The following RBFOX1 variants were observed in gnomAD, a reference collection of about 807,000 sequenced individuals.
RBFOX1 encodes the protein RNA binding protein fox-1 homolog 1.
RBFOX1 carries 8 observed loss-of-function variants against 57.7 expected under a neutral mutation model. That is an observed-to-expected ratio of 0.14 (90% confidence interval 0.08 to 0.25). RBFOX1 has a LOEUF of 0.25. Ranked by LOEUF, RBFOX1 falls within the 10% of genes least tolerant of loss-of-function variation. The probability of loss-of-function intolerance (pLI) is 1.00; values close to 1 mark genes in which losing one functional copy is unlikely to be tolerated. For synonymous variants in RBFOX1, 326 were observed against 222.4 expected, an observed-to-expected ratio of 1.47 and a Z score of -4.15; for missense variants, 611 against 548.5, an observed-to-expected ratio of 1.11 and a Z score of -1.14.
Position 6,997,449 on chromosome 16 carries a change from A to G in RBFOX1, c.-15-54608A>G, listed in dbSNP as rs894216511. Among the ~76,000 whole-genome samples, 11 of 152,186 alleles carry G rather than the reference A, an allele frequency of 7.2e-5. No individual in the cohort carries two copies. The South Asian group carries it at 2.1e-3, about 29-fold the overall frequency. On this transcript the variant is annotated intron_variant, in intron 3 of 15. Coordinates refer to ENST00000550418, the MANE Select transcript of RBFOX1 (RefSeq NM_018723.4). ...TCAGAGTTCATTTATATCCACGAGC[A>G]TTGCACCAGCAATAAACTTTAAGTT...
chr16:7,421,178 T>C (rs960571907), intron 4 of RBFOX1, among the ~76,000 whole-genome samples: 1 of 151,962 alleles, frequency 6.6e-6, no homozygotes, highest in Non-Finnish European at 1.5e-5. Flanking sequence ...ATAGAAATTG[T>C]AGAGCACAGT....
In RBFOX1 at chr16:6,337,499, G is replaced by A. The variant is rs190865441; in HGVS notation, c.-64+20442G>A. On this transcript the variant is annotated intron_variant, in intron 2 of 15. Transcript: ENST00000550418. ...CTGGGAGAGCCAAAATGGCAAAGGA[G>A]TGGAAATAAATTAATGGGGGGAAAT... Among the ~76,000 whole-genome samples, 4 of 152,304 alleles carry A rather than the reference G, an allele frequency of 2.6e-5. No homozygotes were observed. The East Asian group carries it at 7.7e-4, about 29-fold the overall frequency.
At chr16:7,192,559 A>T (rs2085678513) in intron 4 of RBFOX1, among the ~76,000 whole-genome samples, 1 of 152,222 alleles carries the variant, frequency 6.6e-6, no homozygotes, top group African/African-American at 2.4e-5. Context: ...AAATAACAGC[A>T]AAATACTATG....
Position 6,284,893 on chromosome 16 carries a change from GA to G in RBFOX1, c.-126-32099del, listed in dbSNP as rs1173832467. Among the ~76,000 whole-genome samples, 10 of 152,250 alleles carry G rather than the reference GA, an allele frequency of 6.6e-5. No homozygotes were observed. The East Asian group carries it at 1.9e-3, about 29-fold the overall frequency. On this transcript the variant is annotated intron_variant, in intron 1 of 15. Coordinates refer to ENST00000550418, the MANE Select transcript of RBFOX1 (RefSeq NM_018723.4). ...TAAAGGCTTATTAACTGCAGTTTGT[GA>G]AATGGAGTGAAAACAAATACGCTTC...
chr16:6,310,107 C>T (rs547300536), intron 1 of RBFOX1, among the ~76,000 whole-genome samples: 52 of 152,204 alleles, frequency 3.4e-4, no homozygotes, highest in East Asian at 9.7e-4. Flanking sequence ...AGGCTGGTCT[C>T]GAACTTCTGA....
intron 3 of RBFOX1, among the ~76,000 whole-genome samples, chr16:7,039,292 T>A (rs1022061350): frequency 6.6e-6 from 1 of 152,218 alleles, no homozygotes; most frequent in Non-Finnish European, 1.5e-5. Flanking sequence ...ACAAGCTCTT[T>A]CGTCCGTCTC....
At chr16:5,651,040 C>CTTCT (rs2049219365) in intron 3 of RBFOX1, among the ~76,000 whole-genome samples, 1 of 56,854 alleles carries the variant, frequency 1.8e-5, no homozygotes, top group Non-Finnish European at 3.0e-5. Flanking sequence ...CTACCTCCTT[C>CTTCT]TTTTTTTTTT....
intron 4 of RBFOX1, among the ~76,000 whole-genome samples, chr16:7,087,586 G>C (rs2060186074): frequency 6.7e-6 from 1 of 148,204 alleles, no homozygotes; most frequent in Admixed American, 6.7e-5. Flanking sequence ...GGGAGGGAGG[G>C]AGGGGGAGAG....
intron 4 of RBFOX1, among the ~76,000 whole-genome samples, chr16:7,432,463 C>T (rs2098689719): frequency 6.6e-6 from 1 of 152,182 alleles, no homozygotes; most frequent in African/African-American, 2.4e-5. Flanking sequence ...GACTGTCACT[C>T]AGGTTGCATT....
At chr16:6,809,614 C>A (rs1402579042) in intron 3 of RBFOX1, among the ~76,000 whole-genome samples, 1 of 152,100 alleles carries the variant, frequency 6.6e-6, no homozygotes, top group Non-Finnish European at 1.5e-5. Flanking sequence ...AGAATTGCTA[C>A]CCCATCCGAA....
rs534822137 is a variant in RBFOX1, at chr16:6,264,643, G to T, written c.-126-52352G>T. Among the ~76,000 whole-genome samples the T allele has an allele frequency of 3.3e-5, 5 of 152,150 alleles. No individual in the cohort carries two copies. The South Asian group carries it at 1.0e-3, about 32-fold the overall frequency. ...CTCATACTCTCCCCACCGCTAATGT[G>T]CTCTTCCCCTTCCTTGTCTTCAGTA... On this transcript the variant is annotated intron_variant, in intron 1 of 15. Coordinates refer to ENST00000550418, the MANE Select transcript of RBFOX1 (RefSeq NM_018723.4).
At chr16:7,273,204 C>T (rs142399846) in intron 4 of RBFOX1, among the ~76,000 whole-genome samples, 5,882 of 34,988 alleles carry the variant, frequency 0.17, 795 homozygotes, top group African/African-American at 0.38. Flanking sequence ...CTTCCTCCCT[C>T]CCTTCCTTCC....
intron 1 of RBFOX1, among the ~76,000 whole-genome samples, chr16:5,342,301 T>A (rs969037332): frequency 3.3e-5 from 5 of 152,170 alleles, no homozygotes; most frequent in African/African-American, 1.2e-4. Context: ...GAACCCATCA[T>A]TGTACAAGTG....
chr16:7,131,842 A>C (rs1456579391), intron 4 of RBFOX1, among the ~76,000 whole-genome samples: 2 of 152,006 alleles, frequency 1.3e-5, no homozygotes, highest in African/African-American at 4.8e-5. Context: ...ACATCTAAAC[A>C]TCCAAATGGC....
chr16:6,882,529 G>A (rs949574085), intron 3 of RBFOX1, among the ~76,000 whole-genome samples: 2 of 152,078 alleles, frequency 1.3e-5, no homozygotes, highest in African/African-American at 2.4e-5. Flanking sequence ...AGGAGGCAGG[G>A]AGGTTGCAGT....
At chr16:6,648,658 CTG>C (rs1465972843) in intron 2 of RBFOX1, among the ~76,000 whole-genome samples, 1 of 152,102 alleles carries the variant, frequency 6.6e-6, no homozygotes, top group Non-Finnish European at 1.5e-5. Context: ...GATTCAGTAA[CTG>C]AGGGCTCTTC....
At chr16:7,614,492 G>T (rs967408309) in intron 10 of RBFOX1, 2 of 152,098 alleles carry the variant, frequency 1.3e-5, no homozygotes, top group African/African-American at 4.8e-5. Context: ...CTTCAGATAA[G>T]ATCAGTACTT....
chr16:7,297,901 A>G (rs1358735058), intron 4 of RBFOX1, among the ~76,000 whole-genome samples: 1 of 151,190 alleles, frequency 6.6e-6, no homozygotes, highest in African/African-American at 2.4e-5. Context: ...GCCCTTTTGT[A>G]TGCACTTCAC....
chr16:5,244,256 G>A (rs1012458288), intron 1 of RBFOX1, among the ~76,000 whole-genome samples: 7 of 152,322 alleles, frequency 4.6e-5, no homozygotes, highest in Admixed American at 3.3e-4. Flanking sequence ...TTTACATTTG[G>A]CTTGTCTAGA....
Sources: gnomAD v4.1 joint callset for allele counts (sites outside exome capture counted in the v4.1 genomes callset) on GRCh38, gnomAD v4.1.1 for gene constraint, MANE v1.5 for transcripts, NCBI Gene and HGNC (gene_info 2026-07-23, HGNC 2026-07-21) for gene names.